ASH1L: variants seen among roughly 807,000 people sequenced by gnomAD.
ASH1L encodes ASH1 like histone lysine methyltransferase, also known as histone-lysine N-methyltransferase ASH1L.
ASH1L carries 23 observed loss-of-function variants against 269.0 expected under a neutral mutation model. The ratio of observed to expected loss-of-function variants is 0.09; its 90% CI spans 0.06 to 0.12. The LOEUF (loss-of-function observed/expected upper bound fraction) is 0.12, where lower values mean the gene tolerates loss of function less well. ASH1L is among the 10% of genes least tolerant of loss of function. The pLI, the probability that ASH1L is intolerant of heterozygous loss-of-function variation, is 1.00. For synonymous variants in ASH1L, 1,187 were observed against 1,253.5 expected, an observed-to-expected ratio of 0.95 and a Z score of 1.12; for missense variants, 2,912 against 3,567.8, an observed-to-expected ratio of 0.82 and a Z score of 4.68.
intron 1 of ASH1L, among the ~76,000 whole-genome samples, chr1:155,521,991 A>G (rs1442980910): frequency 1.3e-5 from 2 of 152,174 alleles, no homozygotes; most frequent in East Asian, 1.9e-4. Flanking sequence ...GCTGAAGTAC[A>G]CTTTTATTTC....
intron 6 of ASH1L, among the ~76,000 whole-genome samples, chr1:155,413,282 T>C (rs1659943974): frequency 6.6e-6 from 1 of 152,156 alleles, no homozygotes; most frequent in South Asian, 2.1e-4. Context: ...AGCCAATTTA[T>C]ATAAATGCGG....
chr1:155,433,513 C>A, intron 5 of ASH1L: 1 of 1,609,870 alleles, frequency 6.2e-7, no homozygotes, highest in Non-Finnish European at 8.5e-7. Context: ...ATGGCACCTC[C>A]CTGGAGCCCT....
At chr1:155,523,959 T>C (rs958361146) in intron 1 of ASH1L, among the ~76,000 whole-genome samples, 3 of 152,214 alleles carry the variant, frequency 2.0e-5, no homozygotes, top group African/African-American at 4.8e-5. Context: ...CTTAGCTTGT[T>C]ATTGCTCCAT....
intron 13 of ASH1L, among the ~76,000 whole-genome samples, chr1:155,360,065 T>C (rs902072836): frequency 1.3e-5 from 2 of 152,046 alleles, no homozygotes; most frequent in African/African-American, 4.8e-5. Flanking sequence ...CTAATCTTTG[T>C]ATTTTTGATA....
chr1:155,512,107 C>G (rs966378946), intron 2 of ASH1L, among the ~76,000 whole-genome samples: 1 of 152,100 alleles, frequency 6.6e-6, no homozygotes, highest in African/African-American at 2.4e-5. Context: ...CCACTGTGCC[C>G]AGCCAAGATT....
chr1:155,463,354 GC>G (rs1664440414), intron 3 of ASH1L, among the ~76,000 whole-genome samples: 1 of 152,136 alleles, frequency 6.6e-6, no homozygotes, highest in African/African-American at 2.4e-5. Flanking sequence ...ATGTGCCTGG[GC>G]TTTGGTTTAA....
At chr1:155,349,111 A>T (rs1653649476) in intron 19 of ASH1L, among the ~76,000 whole-genome samples, 1 of 151,694 alleles carries the variant, frequency 6.6e-6, no homozygotes, top group Admixed American at 6.6e-5. Flanking sequence ...TTTGGGGGGG[A>T]ATGATTTAAC....
chr1:155,496,000 T>C (rs1032579149), intron 2 of ASH1L, among the ~76,000 whole-genome samples: 6 of 151,240 alleles, frequency 4.0e-5, no homozygotes, highest in African/African-American at 1.5e-4. Context: ...CTGTCTCAAT[T>C]AAAAAAAAAT....
At chr1:155,490,550 G>A (rs1435433517) in intron 2 of ASH1L, among the ~76,000 whole-genome samples, 1 of 150,442 alleles carries the variant, frequency 6.6e-6, no homozygotes. Context: ...CCCAGGAGAC[G>A]GAGATTGCAG....
chr1:155,353,172 G>T (rs1654079203), intron 16 of ASH1L, among the ~76,000 whole-genome samples: 1 of 152,062 alleles, frequency 6.6e-6, no homozygotes, highest in Admixed American at 6.6e-5. Flanking sequence ...GTGTGATCTT[G>T]GGCAAGTTAT....
At chr1:155,398,662 C>A (rs1401982696) in intron 6 of ASH1L, among the ~76,000 whole-genome samples, 1 of 152,050 alleles carries the variant, frequency 6.6e-6, no homozygotes, top group African/African-American at 2.4e-5. Flanking sequence ...TACAAAAAAG[C>A]CAAAATGCTA....
chr1:155,545,096 C>T (rs895573338), intron 1 of ASH1L, among the ~76,000 whole-genome samples: 1 of 130,990 alleles, frequency 7.6e-6, no homozygotes, highest in Non-Finnish European at 1.6e-5. Context: ...CGCTTGAACC[C>T]GGGAGGCAGA....
rs1662250576 is a variant in ASH1L at position 155,438,204 on chromosome 1, G to T, written c.5828+123C>A. On this transcript the variant is annotated intron_variant, in intron 5 of 27. Transcript: ENST00000392403. ...AATACATAAGAACAGTTTTTGAAAAGAAATGGTCTCATATAGTAAAAAATG... is the reference window on the plus strand; with the variant it reads ...AATACATAAGAACAGTTTTTGAAAATAAATGGTCTCATATAGTAAAAAATG... 11 of 1,063,996 alleles carry T rather than the reference G, an allele frequency of 1.0e-5. No homozygotes were observed. In the South Asian group the frequency reaches 1.3e-4, roughly 13 times the overall value. The allele number at this position is 1,063,996 out of a possible 1,614,324, so 65.9% of individuals were successfully genotyped here.
intron 2 of ASH1L, among the ~76,000 whole-genome samples, chr1:155,499,138 G>T (rs1252735258): frequency 6.6e-6 from 1 of 151,968 alleles, no homozygotes. Flanking sequence ...AGGATCAAGA[G>T]TAAGCCAAAA....
In ASH1L at chr1:155,347,679, T is replaced by C. The variant is rs1653477826; in HGVS notation, c.7780A>G (p.Met2594Val). 6.2e-7 allele frequency: 1 copy of C among 1,614,006 alleles called. No individual in the cohort carries two copies. The highest frequency in any genetic ancestry group is 1.7e-5 in the Admixed American group (1 of 60,004). Residue 2594 changes from methionine to valine, a missense_variant, in exon 20 of 28, where the codon ATG (methionine) becomes GTG (valine). By Grantham distance (21) the Met-to-Val change is conservative. This residue lies in a region of ASH1L where 2 missense variants were observed against 18.5 expected (regional missense o/e 0.11). Coordinates refer to ENST00000392403, the MANE Select transcript of ASH1L (RefSeq NM_018489.3). ...ICGLYKDEGL[M>V]IQCDKCMVWQ... ...ACCATGCACTTGTCACACTGGATCA[T>C]GAGACCTTCATCCTTGTAGAGGCCA...
At position 155,481,587 on chromosome 1, in the gene ASH1L, G is replaced by A. The variant is rs1409082408; in HGVS notation, c.1283C>T (p.Ala428Val). 6 of 1,614,150 alleles carry A rather than the reference G, an allele frequency of 3.7e-6. No individual in the cohort carries two copies. Among genetic ancestry groups the A allele is most frequent in the Non-Finnish European group, 4.2e-6 (5 of 1,180,020 alleles). ...AAGCGGTTCCTGAGTGGGGAGCAGT[G>A]CTTCGGCTTTAAGGTTTATGGCATC... ...SKDAINLKAE[A>V]LLPTQEPLKA... The change falls in exon 3 of 28, where the codon GCA becomes GTA. Residue 428 changes from alanine to valine, a missense_variant. By Grantham distance (64) the Ala-to-Val change is moderately conservative. This residue lies in a region of ASH1L where 715 missense variants were observed against 721.0 expected (regional missense o/e 0.99). Coordinates refer to ENST00000392403, the MANE Select transcript of ASH1L (RefSeq NM_018489.3).
chr1:155,496,117 T>C (rs1667137885), intron 2 of ASH1L, among the ~76,000 whole-genome samples: 1 of 152,250 alleles, frequency 6.6e-6, no homozygotes, highest in Non-Finnish European at 1.5e-5. Flanking sequence ...AAAATGCAAA[T>C]ATAACATACA....
intron 3 of ASH1L, among the ~76,000 whole-genome samples, chr1:155,476,544 C>CT (rs1011554650): frequency 8.6e-5 from 13 of 151,246 alleles, no homozygotes; most frequent in Admixed American, 8.6e-4. Context: ...ATACACAAGT[C>CT]TTTTTTTGTT....
At chr1:155,537,025 C>A (rs1234479110) in intron 1 of ASH1L, among the ~76,000 whole-genome samples, 1 of 145,540 alleles carries the variant, frequency 6.9e-6, no homozygotes, top group Non-Finnish European at 1.5e-5. Flanking sequence ...AGCCTGGCGA[C>A]AGAGCAAGAC....
Sources: gnomAD v4.1 joint callset for allele counts (sites outside exome capture counted in the v4.1 genomes callset) on GRCh38, gnomAD v4.1.1 for gene constraint, gnomAD v4.1.1 regional missense constraint, MANE v1.5 for transcripts, NCBI Gene and HGNC (gene_info 2026-07-23, HGNC 2026-07-21) for gene names.